TSPAN9: variants seen among roughly 807,000 people sequenced by gnomAD.
The protein encoded by TSPAN9 is tetraspanin-9.
TSPAN9 carries 16 observed loss-of-function variants against 31.0 expected under a neutral mutation model. That is an observed-to-expected ratio of 0.52 (90% confidence interval 0.35 to 0.78). TSPAN9 has a LOEUF of 0.78. Ranked by LOEUF, TSPAN9 falls within the 30% of genes least tolerant of loss-of-function variation. The pLI, the probability that TSPAN9 is intolerant of heterozygous loss-of-function variation, is 0.01. For missense variants in TSPAN9, 272 were observed against 312.5 expected, an observed-to-expected ratio of 0.87 and a Z score of 0.98; for synonymous variants, 145 against 121.6, an observed-to-expected ratio of 1.19 and a Z score of -1.27.
chr12:3,167,348 CTG>C (rs1405422927), intron 2 of TSPAN9, among the ~76,000 whole-genome samples: 1 of 152,174 alleles, frequency 6.6e-6, no homozygotes, highest in Non-Finnish European at 1.5e-5. Flanking sequence ...GTTAGCTACT[CTG>C]TGCCAGCCAA....
chr12:3,109,299 T>TGAGAGAGAGA (rs150191079), intron 2 of TSPAN9, among the ~76,000 whole-genome samples: 5 of 118,352 alleles, frequency 4.2e-5, no homozygotes, highest in Non-Finnish European at 6.6e-5. Flanking sequence ...TGTGTGTGTG[T>TGAGAGAGAGA]GAGAGAGAGT....
At chr12:3,273,982 A>C (rs899619437) in intron 3 of TSPAN9, among the ~76,000 whole-genome samples, 1 of 152,142 alleles carries the variant, frequency 6.6e-6, no homozygotes, top group African/African-American at 2.4e-5. Context: ...TTCTTTCTCC[A>C]ATGGCTGTTC....
At chr12:3,238,192 C>G (rs1049898913) in intron 3 of TSPAN9, among the ~76,000 whole-genome samples, 5 of 152,196 alleles carry the variant, frequency 3.3e-5, no homozygotes, top group Non-Finnish European at 2.9e-5. Flanking sequence ...GGGTCAGAGA[C>G]ACCACGTGAT....
At position 3,281,586 on chromosome 12, in the gene TSPAN9, G is replaced by A. The variant is rs1591724393; in HGVS notation, c.565-148G>A. The A allele has an allele frequency of 2.7e-6, 3 of 1,102,860 alleles. No homozygotes were observed. The East Asian group carries it at 7.7e-5, about 28-fold the overall frequency. 68.3% of individuals were successfully genotyped at this position (1,102,860 alleles called of 1,614,324 possible). On this transcript the variant is annotated intron_variant, in intron 7 of 8. Transcript: ENST00000011898. ...TGGCCTTGCGGGTGGGGCGGAGGCT[G>A]CGCCAAGGGATGGGGACAGGGCTGA...
chr12:3,142,388 CCCTCCTCGCCTCTCG>C (rs909530014), intron 2 of TSPAN9, among the ~76,000 whole-genome samples: 4 of 152,262 alleles, frequency 2.6e-5, no homozygotes, highest in Non-Finnish European at 5.9e-5. Context: ...TGTGTGGGCC[CCCTCCTCGCCTCTCG>C]CCTCCTCCCT....
chr12:3,086,306 C>T (rs563347055), intron 2 of TSPAN9, among the ~76,000 whole-genome samples: 56 of 148,928 alleles, frequency 3.8e-4, no homozygotes, highest in Non-Finnish European at 6.2e-4. Flanking sequence ...CATTTCAACC[C>T]GATACTTTGG....
At position 3,170,723 on chromosome 12, in the gene TSPAN9, T is replaced by C. The variant is rs2098351289; in HGVS notation, c.-17-30454T>C. 6.6e-6 allele frequency among the ~76,000 whole-genome samples: 1 copy of C among 151,308 alleles called. No individual in the cohort carries two copies. The highest frequency in any genetic ancestry group is 6.6e-5 in the Admixed American group (1 of 15,170). ...CCCAGCTGAAAACACTGCAGGAGAG[T>C]TGGGGAGGATGGCAGGAGGTAGAGC... On this transcript the variant is annotated intron_variant, in intron 2 of 8. Coordinates refer to ENST00000011898, the MANE Select transcript of TSPAN9 (RefSeq NM_006675.5). The surrounding 1 kb of genome is among the most constrained non-coding windows in gnomAD (Gnocchi z 4.4).
chr12:3,229,477 TTC>T (rs1425365915), intron 3 of TSPAN9, among the ~76,000 whole-genome samples: 2 of 152,240 alleles, frequency 1.3e-5, no homozygotes, highest in African/African-American at 4.8e-5. Context: ...ATCCCATGTA[TTC>T]TCTCTCCCTT....
rs115841891 is a variant in TSPAN9 at position 3,161,821 on chromosome 12, G to A, written c.-17-39356G>A. Among the ~76,000 whole-genome samples, 942 of 151,612 alleles carry A rather than the reference G, an allele frequency of 6.2e-3. 9 individuals are homozygous for A. Among genetic ancestry groups the A allele is most frequent in the African/African-American group, 0.022 (888 of 41,260 alleles). ...TATCTATCTATCTATCTATCTGTCTGTCTGTTGTTTTAGAGATAGGGTCTC... is the reference window on the plus strand; with the variant it reads ...TATCTATCTATCTATCTATCTGTCTATCTGTTGTTTTAGAGATAGGGTCTC... On this transcript the variant is annotated intron_variant, in intron 2 of 8. Transcript: ENST00000011898.
chr12:3,138,649 CT>C (rs2098333218), intron 2 of TSPAN9, among the ~76,000 whole-genome samples: 1 of 32,100 alleles, frequency 3.1e-5, no homozygotes, highest in African/African-American at 9.5e-5. Context: ...AAAAAAAGGA[CT>C]TTTTTTTCCT....
chr12:3,202,038 CT>C (rs1830826347), intron 3 of TSPAN9, among the ~76,000 whole-genome samples: 1 of 152,218 alleles, frequency 6.6e-6, no homozygotes, highest in Non-Finnish European at 1.5e-5. Context: ...GTGAGAGGCA[CT>C]TTTGTAGAGA....
chr12:3,271,974 G>GT (rs926467976), intron 3 of TSPAN9, among the ~76,000 whole-genome samples: 1 of 152,120 alleles, frequency 6.6e-6, no homozygotes, highest in East Asian at 1.9e-4. Flanking sequence ...AGCTGTTTTG[G>GT]TTTTTTTCTT....
At chr12:3,114,111 C>G (rs1008457178) in intron 2 of TSPAN9, among the ~76,000 whole-genome samples, 1 of 152,234 alleles carries the variant, frequency 6.6e-6, no homozygotes, top group Non-Finnish European at 1.5e-5. Context: ...TTTCATCTGT[C>G]AAGGACCTGA....
chr12:3,265,333 T>C (rs374087801), intron 3 of TSPAN9, among the ~76,000 whole-genome samples: 12 of 152,300 alleles, frequency 7.9e-5, no homozygotes, highest in African/African-American at 2.4e-4. Context: ...AGGGCTCCAG[T>C]GTTTTCACCT....
intron 2 of TSPAN9, among the ~76,000 whole-genome samples, chr12:3,140,237 G>A (rs979594716): frequency 6.6e-6 from 1 of 152,174 alleles, no homozygotes; most frequent in Non-Finnish European, 1.5e-5. Context: ...GACATTTTAT[G>A]TTGTTTAGTG....
intron 2 of TSPAN9, among the ~76,000 whole-genome samples, chr12:3,182,768 C>T (rs1169412331): frequency 6.6e-6 from 1 of 152,176 alleles, no homozygotes; most frequent in Non-Finnish European, 1.5e-5. Context: ...GGATCTGTGA[C>T]TGGGCCATCA....
Position 3,146,932 on chromosome 12 carries a change from C to T in TSPAN9, c.-17-54245C>T, listed in dbSNP as rs148039562. ...TCAGATTGTGACACTTACAAGCTTG[C>T]ACAAGTCCCTTATCTTCTCTGAGCC... is the stretch of plus-strand genomic sequence containing the variant. On this transcript the variant is annotated intron_variant, in intron 2 of 8. Transcript: ENST00000011898. Among the ~76,000 whole-genome samples, 274 of 152,182 alleles carry T rather than the reference C, an allele frequency of 1.8e-3. 1 individual carries two copies. The highest frequency in any genetic ancestry group is 1.8e-3 in the Non-Finnish European group (121 of 68,020).
chr12:3,134,296 A>G (rs554240874), intron 2 of TSPAN9, among the ~76,000 whole-genome samples: 1 of 152,326 alleles, frequency 6.6e-6, no homozygotes, highest in South Asian at 2.1e-4. Context: ...AGATGAGAGT[A>G]TTGTGGGAAC....
At chr12:3,263,551 T>G (rs1862487987) in intron 3 of TSPAN9, among the ~76,000 whole-genome samples, 1 of 152,240 alleles carries the variant, frequency 6.6e-6, no homozygotes, top group Admixed American at 6.5e-5. Flanking sequence ...CTCCTGTTGC[T>G]GAGCTGAAAA....
Sources: gnomAD v4.1 joint callset for allele counts (sites outside exome capture counted in the v4.1 genomes callset) on GRCh38, gnomAD v4.1.1 for gene constraint, Gnocchi (gnomAD v3.1) non-coding constraint, MANE v1.5 for transcripts, NCBI Gene and HGNC (gene_info 2026-07-23, HGNC 2026-07-21) for gene names.